Variants in CDK8 observed in about 807,000 individuals in gnomAD.
The protein encoded by CDK8 is cyclin dependent kinase 8, also known as cyclin-dependent kinase 8.
Under a neutral mutation model 71.5 loss-of-function variants are expected in CDK8, and 29 were observed. That is an observed-to-expected ratio of 0.41 (90% CI 0.30 to 0.55). CDK8 has a LOEUF of 0.55. CDK8 is among the 20% of genes least tolerant of loss of function. The pLI, the probability that CDK8 is intolerant of heterozygous loss-of-function variation, is 0.37. For missense variants in CDK8, 288 were observed against 572.6 expected (o/e 0.50, Z 5.07); for synonymous variants, 161 against 192.1 (o/e 0.84, Z 1.34).
intron 1 of CDK8, among the ~76,000 whole-genome samples, chr13:26,294,571 G>A (rs1214721442): frequency 6.6e-6 from 1 of 152,076 alleles, no homozygotes; most frequent in Non-Finnish European, 1.5e-5. Context: ...ACATCCTCAC[G>A]AACACTTGTC....
intron 5 of CDK8, 59 bp from the exon 6 acceptor site, chr13:26,385,152 A>C: frequency 2.2e-6 from 3 of 1,383,104 alleles, no homozygotes; most frequent in Non-Finnish European, 3.0e-6. Context: ...AATTAGACTA[A>C]TTGGTTAGAT....
At chr13:26,378,332 C>T (rs1875053183) in intron 4 of CDK8, among the ~76,000 whole-genome samples, 1 of 152,154 alleles carries the variant, frequency 6.6e-6, no homozygotes, top group South Asian at 2.1e-4. Flanking sequence ...TCTCCTCCAG[C>T]ATGACATGCT....
At chr13:26,329,483 G>GTTTTT (rs543441898) in intron 1 of CDK8, among the ~76,000 whole-genome samples, 48 of 128,352 alleles carry the variant, frequency 3.7e-4, no homozygotes, top group Middle Eastern at 4.1e-3. Flanking sequence ...TTTTTTTTTT[G>GTTTTT]TTTTTTTTTT....
At chr13:26,393,818 CCTTTAGCT>C (rs1302251234) in intron 7 of CDK8, among the ~76,000 whole-genome samples, 1 of 151,974 alleles carries the variant, frequency 6.6e-6, no homozygotes, top group Non-Finnish European at 1.5e-5. Flanking sequence ...TAAAAAGGTA[CCTTTAGCT>C]CTTACCAGTA....
chr13:26,364,187 G>A (rs925287179), intron 4 of CDK8, among the ~76,000 whole-genome samples: 1 of 152,102 alleles, frequency 6.6e-6, no homozygotes, highest in African/African-American at 2.4e-5. Flanking sequence ...TTTTTAAATT[G>A]CAGATTATAA....
At chr13:26,300,984 A>G (rs1416982413) in intron 1 of CDK8, among the ~76,000 whole-genome samples, 2 of 152,116 alleles carry the variant, frequency 1.3e-5, no homozygotes. Context: ...TATCCTTTCC[A>G]TTGTGGTGAT....
At chr13:26,360,147 G>A (rs927062841) in intron 4 of CDK8, among the ~76,000 whole-genome samples, 1 of 152,144 alleles carries the variant, frequency 6.6e-6, no homozygotes, top group Non-Finnish European at 1.5e-5. Context: ...TTACTGGGAA[G>A]AATTCTGTGA....
chr13:26,273,407 A>C (rs1872421810), intron 1 of CDK8, among the ~76,000 whole-genome samples: 1 of 152,094 alleles, frequency 6.6e-6, no homozygotes, highest in Non-Finnish European at 1.5e-5. Flanking sequence ...TTTCTAATAG[A>C]TTATAATGTT....
At chr13:26,376,473 T>G (rs1441886758) in intron 4 of CDK8, among the ~76,000 whole-genome samples, 1 of 152,224 alleles carries the variant, frequency 6.6e-6, no homozygotes, top group Non-Finnish European at 1.5e-5. Flanking sequence ...TTCCATCTAT[T>G]AAAAAATATA....
At chr13:26,278,657 ATT>A in intron 1 of CDK8, among the ~76,000 whole-genome samples, 1 of 152,306 alleles carries the variant, frequency 6.6e-6, no homozygotes, top group African/African-American at 2.4e-5. Context: ...CTCTAGTGAC[ATT>A]TTGTCTTCAA....
At chr13:26,263,598 G>A (rs1367322691) in intron 1 of CDK8, among the ~76,000 whole-genome samples, 1 of 150,756 alleles carries the variant, frequency 6.6e-6, no homozygotes, top group African/African-American at 2.4e-5. Flanking sequence ...TGTGCCACCA[G>A]CCTGGCAGAT....
At chr13:26,275,386 GT>G (rs1281692190) in intron 1 of CDK8, among the ~76,000 whole-genome samples, 1 of 152,118 alleles carries the variant, frequency 6.6e-6, no homozygotes, top group East Asian at 1.9e-4. Flanking sequence ...ATATGGTTAT[GT>G]TTTTTATTCA....
intron 1 of CDK8, among the ~76,000 whole-genome samples, chr13:26,273,509 A>G (rs1156476527): frequency 6.6e-6 from 1 of 152,110 alleles, no homozygotes; most frequent in East Asian, 1.9e-4. Context: ...TATTTTAATC[A>G]CTGTGGATGA....
At chr13:26,299,419 C>G (rs1873717814) in intron 1 of CDK8, among the ~76,000 whole-genome samples, 1 of 152,138 alleles carries the variant, frequency 6.6e-6, no homozygotes, top group Non-Finnish European at 1.5e-5. Context: ...ATTGTATAGC[C>G]TAGTGCTCCT....
rs1181437756 is a variant in CDK8, at chr13:26,324,776, G to T, written c.129-12791G>T. On this transcript the variant is annotated intron_variant, in intron 1 of 12. Coordinates refer to ENST00000381527, the MANE Select transcript of CDK8 (RefSeq NM_001260.3). ...TAAATTTTTTTTTCTTAATAGAGTT[G>T]TTAAGGCAAATGACTTTGGGAAGAT... The T allele has an allele frequency of 3.6e-6, 3 of 824,766 alleles. No homozygotes were observed. In the African/African-American group the frequency reaches 5.6e-5, roughly 15 times the overall value. 51.1% of individuals were successfully genotyped at this position (824,766 alleles called of 1,614,324 possible).
chr13:26,345,116 A>G (rs1873409064), intron 2 of CDK8, among the ~76,000 whole-genome samples: 1 of 152,148 alleles, frequency 6.6e-6, no homozygotes, highest in South Asian at 2.1e-4. Context: ...GGAGTTTTTC[A>G]ACTCCATTAT....
In CDK8 at chr13:26,254,898, C is replaced by A; in HGVS notation, c.128+129C>A. 2 of 1,338,828 alleles carry A rather than the reference C, an allele frequency of 1.5e-6. No individual in the cohort carries two copies. Among genetic ancestry groups the A allele is most frequent in the Non-Finnish European group, 2.0e-6 (2 of 984,448 alleles). 82.9% of individuals were successfully genotyped at this position (1,338,828 alleles called of 1,614,324 possible). ...CTTCCTCGACGCCGGCCTCTGGCTC[C>A]GCCAGCCAGGTTTGGGGAGGAAGTG... On this transcript the variant is annotated intron_variant, in intron 1 of 12. Transcript: ENST00000381527. The surrounding 1 kb of genome is among the most constrained non-coding windows in gnomAD (Gnocchi z 6.7).
At position 26,323,323 on chromosome 13, in the gene CDK8, GA is replaced by G. The variant is rs1265383348; in HGVS notation, c.129-14243del. On this transcript the variant is annotated intron_variant, in intron 1 of 12. Coordinates refer to ENST00000381527, the MANE Select transcript of CDK8 (RefSeq NM_001260.3). ...TGAGAGAGAGAGAGAGAGAGAGAGAGAGAGGGAGAGAGAGAGGGAGAGGGAG... is the reference window on the plus strand; with the variant it reads ...TGAGAGAGAGAGAGAGAGAGAGAGAGGAGGGAGAGAGAGAGGGAGAGGGAG... 6.9e-5 allele frequency among the ~76,000 whole-genome samples: 8 copies of G among 115,682 alleles called. No individual in the cohort carries two copies. In the South Asian group the frequency reaches 8.9e-4, roughly 13 times the overall value. 75.9% of individuals were successfully genotyped at this position (115,682 alleles called of 152,430 possible).
At chr13:26,289,454 GT>G (rs990188432) in intron 1 of CDK8, among the ~76,000 whole-genome samples, 2 of 151,666 alleles carry the variant, frequency 1.3e-5, no homozygotes, top group Non-Finnish European at 3.0e-5. Flanking sequence ...AATTTATATT[GT>G]TTGTTACTTT....
Sources: gnomAD v4.1 joint callset for allele counts (sites outside exome capture counted in the v4.1 genomes callset) on GRCh38, gnomAD v4.1.1 for gene constraint, Gnocchi (gnomAD v3.1) non-coding constraint, MANE v1.5 for transcripts, NCBI Gene and HGNC (gene_info 2026-07-23, HGNC 2026-07-21) for gene names.